The following DSCAML1 variants were observed in gnomAD, a reference collection of about 807,000 sequenced individuals.
DSCAML1 encodes cell adhesion molecule DSCAML1.
A neutral mutation model predicts 200.5 loss-of-function variants in DSCAML1; 38 were observed. The observed-to-expected ratio is 0.19, with a 90% CI of 0.15 to 0.25. The LOEUF is 0.25. Among genes scored for constraint, DSCAML1 ranks in the 10% least tolerant of loss-of-function variants. The pLI is 1.00. For missense variants in DSCAML1, 2,223 were observed against 2,858.8 expected (o/e 0.78, Z 5.07); for synonymous variants, 1,215 against 1,165.0 (o/e 1.04, Z -0.87).
intron 32 of DSCAML1, among the ~76,000 whole-genome samples, chr11:117,429,793 C>A (rs921096476): frequency 6.6e-6 from 1 of 152,246 alleles, no homozygotes; most frequent in Non-Finnish European, 1.5e-5. Flanking sequence ...GGGAGCTGGG[C>A]CAGGCATTTT....
rs763115815 is a variant in DSCAML1, at chr11:117,457,657, G to A, written c.3568+1097C>T. On this transcript the variant is annotated intron_variant, in intron 19 of 32. Coordinates refer to ENST00000651296, the MANE Select transcript of DSCAML1 (RefSeq NM_020693.4). ...GGAGAGGGGGCCTGCTGGAGGTGGA[G>A]AGGGAGGGAGAGCCGGGAGATTAAG... Among the ~76,000 whole-genome samples the A allele has an allele frequency of 1.1e-3, 168 of 152,312 alleles. 1 individual carries two copies. The highest frequency in any genetic ancestry group is 1.9e-3 in the Non-Finnish European group (129 of 68,024).
chr11:117,512,157 C>G (rs948656762), intron 8 of DSCAML1, among the ~76,000 whole-genome samples: 1 of 152,178 alleles, frequency 6.6e-6, no homozygotes, highest in African/African-American at 2.4e-5. Flanking sequence ...TGCTCTGTCC[C>G]CACCATCCCT....
chr11:117,815,498 C>T (rs532347424), intron 1 of DSCAML1, among the ~76,000 whole-genome samples: 1 of 152,296 alleles, frequency 6.6e-6, no homozygotes, highest in Non-Finnish European at 1.5e-5. Flanking sequence ...TTCTCCCCTC[C>T]CTGCTGCCCT....
intron 3 of DSCAML1, among the ~76,000 whole-genome samples, chr11:117,546,281 G>T (rs140658255): frequency 1.3e-5 from 2 of 152,286 alleles, no homozygotes; most frequent in South Asian, 2.1e-4. Flanking sequence ...ATTGGACTTG[G>T]GTTCTCCTGT....
intron 3 of DSCAML1, among the ~76,000 whole-genome samples, chr11:117,758,376 T>C (rs2054735302): frequency 6.6e-6 from 1 of 151,592 alleles, no homozygotes; most frequent in African/African-American, 2.4e-5. Flanking sequence ...GTAAATAACA[T>C]TGCAGTTGGC....
chr11:117,631,777 C>T (rs1173764351), intron 3 of DSCAML1, among the ~76,000 whole-genome samples: 3 of 152,192 alleles, frequency 2.0e-5, no homozygotes, highest in Non-Finnish European at 2.9e-5. Flanking sequence ...CTCCTACTTT[C>T]GAGGCTTCTT....
intron 3 of DSCAML1, among the ~76,000 whole-genome samples, chr11:117,741,048 C>T (rs1425622432): frequency 6.6e-6 from 1 of 152,230 alleles, no homozygotes; most frequent in Non-Finnish European, 1.5e-5. Flanking sequence ...ATGTGGGGTA[C>T]ATTTTCTTTG....
At chr11:117,515,536 G>A (rs1340341815) in intron 8 of DSCAML1, among the ~76,000 whole-genome samples, 1 of 151,302 alleles carries the variant, frequency 6.6e-6, no homozygotes, top group Non-Finnish European at 1.5e-5. Flanking sequence ...CAGACTTAGT[G>A]AGCGGCTACC....
intron 11 of DSCAML1, among the ~76,000 whole-genome samples, chr11:117,494,150 A>T (rs889036060): frequency 4.6e-5 from 7 of 152,216 alleles, no homozygotes; most frequent in Non-Finnish European, 1.0e-4. Flanking sequence ...TTTCAGAAAC[A>T]GAAGGAGATG....
At position 117,432,356 on chromosome 11, in the gene DSCAML1, T is replaced by C; in HGVS notation, c.5175A>G (p.Gly1725=). 1 of 1,613,412 alleles carries C rather than the reference T, an allele frequency of 6.2e-7. No homozygotes were observed. The highest frequency in any genetic ancestry group is 8.5e-7 in the Non-Finnish European group (1 of 1,179,746). The change falls in exon 30 of 33, where the codon GGA becomes GGG. Residue 1725 remains glycine, a synonymous_variant. Coordinates refer to ENST00000651296, the MANE Select transcript of DSCAML1 (RefSeq NM_020693.4). The stretch of plus-strand genomic sequence containing the variant: ...CTCCCTGGGGATAATGCGTACTGGT[T>C]CCTGGCCGGATGTCAGACATGTCGA... ...PLIDMSDIRP[G]TNPVSRKNVK...
chr11:117,615,178 A>G (rs2051786517), intron 3 of DSCAML1, among the ~76,000 whole-genome samples: 1 of 152,192 alleles, frequency 6.6e-6, no homozygotes, highest in Admixed American at 6.5e-5. Context: ...GAGAATGAAG[A>G]TAATAGTACC....
At chr11:117,626,120 A>T (rs1412697913) in intron 3 of DSCAML1, among the ~76,000 whole-genome samples, 2 of 152,066 alleles carry the variant, frequency 1.3e-5, no homozygotes, top group Non-Finnish European at 2.9e-5. Flanking sequence ...GGGATGCTGA[A>T]TACCCTCATA....
chr11:117,632,011 G>A (rs60668211), intron 3 of DSCAML1, among the ~76,000 whole-genome samples: 15,457 of 152,144 alleles, frequency 0.1, 898 homozygotes, highest in East Asian at 0.2. Flanking sequence ...GGAAGGACAC[G>A]TACAGCTCAC....
chr11:117,439,516 TG>T, intron 22 of DSCAML1, 87 bp from the exon 23 acceptor site: 2 of 1,517,962 alleles, frequency 1.3e-6, no homozygotes, highest in Non-Finnish European at 1.8e-6. Flanking sequence ...CAAAGAGAGC[TG>T]GGGGTGGAAG....
intron 3 of DSCAML1, among the ~76,000 whole-genome samples, chr11:117,612,759 T>C (rs554273197): frequency 6.6e-6 from 1 of 152,312 alleles, no homozygotes; most frequent in East Asian, 1.9e-4. Flanking sequence ...CGTCAAGGGG[T>C]GAGCATCCTT....
intron 3 of DSCAML1, among the ~76,000 whole-genome samples, chr11:117,720,735 A>G (rs1276126262): frequency 6.6e-6 from 1 of 152,244 alleles, no homozygotes; most frequent in African/African-American, 2.4e-5. Flanking sequence ...AATGGTGCAC[A>G]GCAATAGTGG....
At chr11:117,601,200 C>G (rs1415723850) in intron 3 of DSCAML1, among the ~76,000 whole-genome samples, 1 of 148,868 alleles carries the variant, frequency 6.7e-6, no homozygotes, top group Non-Finnish European at 1.5e-5. Context: ...CTACAGTGAG[C>G]TACAAACACT....
chr11:117,512,458 A>G (rs1304780939), intron 8 of DSCAML1, among the ~76,000 whole-genome samples: 2 of 152,194 alleles, frequency 1.3e-5, no homozygotes, highest in African/African-American at 4.8e-5. Context: ...GAGTCAGGGA[A>G]AAAATGGGGA....
intron 11 of DSCAML1, among the ~76,000 whole-genome samples, chr11:117,483,441 A>C (rs916477598): frequency 1.3e-5 from 2 of 152,208 alleles, no homozygotes; most frequent in African/African-American, 2.4e-5. Flanking sequence ...ATTCATTGAG[A>C]CCTTCTATGT....
Sources: allele counts gnomAD v4.1 joint callset (sites outside exome capture counted in the v4.1 genomes callset), GRCh38; gene constraint gnomAD v4.1.1; transcripts MANE v1.5; gene names NCBI Gene and HGNC (gene_info 2026-07-23, HGNC 2026-07-21).